The following QKI variants were observed in gnomAD, a reference collection of about 807,000 sequenced individuals.
The protein encoded by QKI is QKI, KH domain containing RNA binding, also known as KH domain-containing RNA-binding protein QKI.
Under a neutral mutation model 39.0 loss-of-function variants are expected in QKI, and 10 were observed. The ratio of observed to expected loss-of-function variants is 0.26; its 90% CI spans 0.16 to 0.43. The LOEUF (loss-of-function observed/expected upper bound fraction) is 0.43. Among genes scored for constraint, QKI ranks in the 20% least tolerant of loss-of-function variants. QKI has a pLI of 1.00. For synonymous variants in QKI, 204 were observed against 155.4 expected (o/e 1.31, Z -2.33); for missense variants, 218 against 428.0 (o/e 0.51, Z 4.33).
intron 3 of QKI, among the ~76,000 whole-genome samples, chr6:163,514,099 C>T (rs1779649705): frequency 6.6e-6 from 1 of 152,150 alleles, no homozygotes. Context: ...TGCACTCTGG[C>T]ACACTCAGTG....
chr6:163,495,016 G>A (rs1174914410), intron 3 of QKI, among the ~76,000 whole-genome samples: 2 of 151,822 alleles, frequency 1.3e-5, no homozygotes, highest in African/African-American at 4.8e-5. Context: ...CCTGGGTTCA[G>A]GCGATTCCCT....
intron 4 of QKI, among the ~76,000 whole-genome samples, chr6:163,556,720 G>A (rs1417280962): frequency 2.0e-5 from 3 of 152,018 alleles, no homozygotes; most frequent in African/African-American, 4.8e-5. Flanking sequence ...CTGGATTATG[G>A]GCGTATCCCC....
At chr6:163,423,216 A>C (rs1227960996) in intron 1 of QKI, 3 of 152,324 alleles carry the variant, frequency 2.0e-5, no homozygotes, top group Non-Finnish European at 4.4e-5. Context: ...TGAACCTGGT[A>C]GGCGGCGGTT....
At chr6:163,558,289 G>A (rs1030148787) in intron 4 of QKI, among the ~76,000 whole-genome samples, 1 of 152,054 alleles carries the variant, frequency 6.6e-6, no homozygotes, top group Admixed American at 6.5e-5. Flanking sequence ...TGTTTAGGCA[G>A]GTACGTACTA....
chr6:163,508,182 AG>A (rs1779214609), intron 3 of QKI, among the ~76,000 whole-genome samples: 1 of 152,168 alleles, frequency 6.6e-6, no homozygotes, highest in African/African-American at 2.4e-5. Flanking sequence ...TTGGAGTCTT[AG>A]AAAAAGAGGG....
At chr6:163,555,606 G>T (rs1782540740) in intron 4 of QKI, among the ~76,000 whole-genome samples, 1 of 104,258 alleles carries the variant, frequency 9.6e-6, no homozygotes. Context: ...AGCCTAACTT[G>T]GAGAGGAAAG....
In QKI at chr6:163,569,971, C is replaced by T. The variant is rs891866896; in HGVS notation, c.1010-723C>T. The T allele has an allele frequency of 5.5e-5, 54 of 986,178 alleles. No individual in the cohort carries two copies. In the Admixed American group the frequency reaches 3.3e-3, roughly 61 times the overall value. 61.1% of individuals were successfully genotyped at this position (986,178 alleles called of 1,614,324 possible). A position where few individuals can be genotyped will look rare whatever the true frequency, so the allele number is the denominator to read the frequency against. ...TTCTATATGTGTAAAATAGTATTTT[C>T]AACTGGAAAGTGTTGGCTAGTGCAA... On this transcript the variant is annotated intron_variant, in intron 7 of 7. Coordinates refer to ENST00000361752, the MANE Select transcript of QKI (RefSeq NM_006775.3).
At chr6:163,457,604 G>T in intron 2 of QKI, 1 of 344,346 alleles carries the variant, frequency 2.9e-6, no homozygotes, top group Non-Finnish European at 5.8e-6. Flanking sequence ...TAATTCCGAT[G>T]CATGCTGAAG....
At position 163,474,872 on chromosome 6, in the gene QKI, C is replaced by A. The variant is rs191167121; in HGVS notation, c.286-3908C>A. Among the ~76,000 whole-genome samples the A allele has an allele frequency of 4.1e-3, 617 of 150,876 alleles. 17 individuals carry two copies. The highest frequency in any genetic ancestry group is 0.028 in the Admixed American group (427 of 15,150). On this transcript the variant is annotated intron_variant, in intron 2 of 7. Transcript: ENST00000361752. ...GCCAAGAATTCAAGGCTACAGTGCT[C>A]TATGATTGTGCCACTTGCACTTTAG...
At chr6:163,422,348 G>A (rs1292996728) in intron 1 of QKI, among the ~76,000 whole-genome samples, 1 of 152,082 alleles carries the variant, frequency 6.6e-6, no homozygotes, top group Non-Finnish European at 1.5e-5. Flanking sequence ...GAAATGAATC[G>A]ATTGTAAGAT....
intron 7 of QKI, chr6:163,567,780 A>G: frequency 1.0e-6 from 1 of 985,198 alleles, no homozygotes; most frequent in South Asian, 4.7e-5. Flanking sequence ...TACAAATTAA[A>G]TTGATCAAAG....
At chr6:163,465,590 T>C (rs1408095235) in intron 2 of QKI, among the ~76,000 whole-genome samples, 3 of 148,146 alleles carry the variant, frequency 2.0e-5, no homozygotes, top group African/African-American at 7.5e-5. Context: ...GATTGCACCA[T>C]TGCACTCCAG....
chr6:163,443,626 C>G (rs1789922070), intron 1 of QKI, among the ~76,000 whole-genome samples: 1 of 152,212 alleles, frequency 6.6e-6, no homozygotes, highest in African/African-American at 2.4e-5. Context: ...AATTCTCTTG[C>G]AACACCTGTG....
chr6:163,498,225 CCTCAA>C (rs1247456484), intron 3 of QKI, among the ~76,000 whole-genome samples: 1 of 148,148 alleles, frequency 6.8e-6, no homozygotes, highest in Non-Finnish European at 1.5e-5. Context: ...TGGAAGGTAT[CCTCAA>C]CTCCTTTCTG....
intron 3 of QKI, among the ~76,000 whole-genome samples, chr6:163,524,778 T>C (rs1562512501): frequency 1.3e-5 from 2 of 152,182 alleles, no homozygotes; most frequent in Non-Finnish European, 2.9e-5. Flanking sequence ...TCTGTTTATT[T>C]TCTACGATCA....
rs147991256 is a variant in QKI at position 163,489,528 on chromosome 6, G to A, written c.402+10632G>A. Among the ~76,000 whole-genome samples, 690 of 150,790 alleles carry A rather than the reference G, an allele frequency of 4.6e-3. 14 individuals carry two copies. The highest frequency in any genetic ancestry group is 0.016 in the African/African-American group (638 of 40,312). On this transcript the variant is annotated intron_variant, in intron 3 of 7. Transcript: ENST00000361752. ...GTTTCCCAACTATTGTTTGTAGTGC[G>A]TTTTTTAATATTCTGACTGAAGCAG... is the stretch of plus-strand genomic sequence containing the variant.
intron 3 of QKI, among the ~76,000 whole-genome samples, chr6:163,522,508 T>G (rs1342271743): frequency 6.6e-6 from 1 of 152,108 alleles, no homozygotes; most frequent in Non-Finnish European, 1.5e-5. Flanking sequence ...GGAGAGGCCT[T>G]TTTGTGCGTT....
intron 1 of QKI, among the ~76,000 whole-genome samples, chr6:163,443,540 C>G (rs888087956): frequency 6.6e-6 from 1 of 152,200 alleles, no homozygotes; most frequent in Non-Finnish European, 1.5e-5. Flanking sequence ...ACATTCCAGC[C>G]TGGGCGAGAC....
chr6:163,478,045 T>C (rs1265009465), intron 2 of QKI, among the ~76,000 whole-genome samples: 2 of 152,232 alleles, frequency 1.3e-5, no homozygotes, highest in Non-Finnish European at 2.9e-5. Flanking sequence ...AAATTTACTT[T>C]TCACGATTTA....
Sources: gnomAD v4.1 joint callset for allele counts (sites outside exome capture counted in the v4.1 genomes callset) on GRCh38, gnomAD v4.1.1 for gene constraint, MANE v1.5 for transcripts, NCBI Gene and HGNC (gene_info 2026-07-23, HGNC 2026-07-21) for gene names.